TTC7A: variants seen among roughly 807,000 people sequenced by gnomAD.
TTC7A encodes tetratricopeptide repeat protein 7A.
Under a neutral mutation model 103.7 loss-of-function variants are expected in TTC7A, and 110 were observed. The observed-to-expected ratio is 1.06, with a 90% CI of 0.91 to 1.24. The LOEUF (loss-of-function observed/expected upper bound fraction) is 1.24, where lower values mean the gene tolerates loss of function less well. Ranked by LOEUF, TTC7A falls within the 50% of genes most tolerant of loss-of-function variation. TTC7A has a pLI of 0.00. For missense variants in TTC7A, 1,340 were observed against 1,116.3 expected, an observed-to-expected ratio of 1.20 and a Z score of -2.86; for synonymous variants, 521 against 467.9, an observed-to-expected ratio of 1.11 and a Z score of -1.47.
intron 19 of TTC7A, among the ~76,000 whole-genome samples, chr2:47,072,500 C>T (rs1684844043): frequency 6.6e-6 from 1 of 152,258 alleles, no homozygotes; most frequent in Non-Finnish European, 1.5e-5. Flanking sequence ...TGCGCATCTT[C>T]CCCAGCGCGT....
At chr2:46,993,367 C>G (rs1392336072) in intron 5 of TTC7A, 83 bp from the exon 6 acceptor site, 1 of 1,328,496 alleles carries the variant, frequency 7.5e-7, no homozygotes, top group Non-Finnish European at 1.1e-6. Context: ...GTCAGCTCCT[C>G]CTGGGGTCTG....
At chr2:46,969,789 A>G (rs116673605) in intron 3 of TTC7A, among the ~76,000 whole-genome samples, 5 of 152,256 alleles carry the variant, frequency 3.3e-5, no homozygotes, top group Non-Finnish European at 5.9e-5. Flanking sequence ...TCATTCATCT[A>G]TGCATCCGTC....
intron 10 of TTC7A, among the ~76,000 whole-genome samples, chr2:47,009,923 G>C (rs57828497): frequency 0.032 from 4,651 of 144,326 alleles, 331 homozygotes; most frequent in African/African-American, 0.11. Context: ...GGGGACAGGG[G>C]AGGGGGCGCG....
chr2:46,957,109 G>A lies in TTC7A; in HGVS notation c.517+102G>A, dbSNP rs138048872. On this transcript the variant is annotated intron_variant, in intron 3 of 19. Coordinates refer to ENST00000319190, the MANE Select transcript of TTC7A (RefSeq NM_020458.4). ...GCTCGTGTCCAGATTCTTCACCCCTGGTAGTGCCCATGCCCTGGCACTGGT... is the reference window on the plus strand; with the variant it reads ...GCTCGTGTCCAGATTCTTCACCCCTAGTAGTGCCCATGCCCTGGCACTGGT... 8.9e-6 allele frequency: 13 copies of A among 1,460,216 alleles called. No individual in the cohort carries two copies. The African/African-American group carries it at 1.4e-4, about 16-fold the overall frequency. The allele number at this position is 1,460,216 out of a possible 1,614,324, so 90.5% of individuals were successfully genotyped here.
intron 2 of TTC7A, among the ~76,000 whole-genome samples, chr2:46,933,614 T>C (rs968409284): frequency 1.3e-5 from 2 of 152,184 alleles, no homozygotes; most frequent in Non-Finnish European, 2.9e-5. Context: ...GGGCAGGATG[T>C]GCTCTGAGCC....
intron 19 of TTC7A, among the ~76,000 whole-genome samples, chr2:47,068,881 A>G: frequency 1.4e-5 from 1 of 70,678 alleles, no homozygotes; most frequent in Middle Eastern, 0.012. Flanking sequence ...AAAAAAAAAA[A>G]AAAAAAGAAA....
chr2:46,968,459 G>T (rs1673049672), intron 3 of TTC7A, among the ~76,000 whole-genome samples: 2 of 152,144 alleles, frequency 1.3e-5, no homozygotes, highest in Non-Finnish European at 2.9e-5. Flanking sequence ...ACCCAAGCCT[G>T]CAGCACCTGG....
At chr2:47,073,637 C>T (rs752767233) in intron 19 of TTC7A, 65 bp from the exon 20 acceptor site, 79 of 1,436,220 alleles carry the variant, frequency 5.5e-5, no homozygotes, top group Non-Finnish European at 7.1e-5. Flanking sequence ...TGTGCTTGGC[C>T]CAGTTGCCAA....
chr2:47,019,537 A>C (rs951717018), intron 11 of TTC7A, among the ~76,000 whole-genome samples: 8 of 152,128 alleles, frequency 5.3e-5, no homozygotes, highest in African/African-American at 1.2e-4. Flanking sequence ...AAGGAGTGCT[A>C]CTAATCTCGG....
chr2:46,944,664 C>A (rs1670778849), intron 1 of TTC7A, among the ~76,000 whole-genome samples: 1 of 152,116 alleles, frequency 6.6e-6, no homozygotes, highest in African/African-American at 2.4e-5. Flanking sequence ...TCGAGATCAG[C>A]CCAGGCAACA....
chr2:47,043,697 C>A (rs540122559), intron 15 of TTC7A, among the ~76,000 whole-genome samples: 2 of 152,172 alleles, frequency 1.3e-5, no homozygotes, highest in Non-Finnish European at 2.9e-5. Context: ...CTCCCAGGAT[C>A]CTGGAGTGAA....
intron 10 of TTC7A, among the ~76,000 whole-genome samples, chr2:47,011,121 C>T (rs1572899974): frequency 6.6e-6 from 1 of 152,232 alleles, no homozygotes; most frequent in East Asian, 1.9e-4. Flanking sequence ...GCAAGGGTCA[C>T]AGCCTCTAAT....
chr2:47,068,802 T>A (rs1169303329), intron 19 of TTC7A, among the ~76,000 whole-genome samples: 1 of 148,390 alleles, frequency 6.7e-6, no homozygotes, highest in Admixed American at 6.8e-5. Context: ...CTGTCATAGA[T>A]TCAGATCAGA....
intron 5 of TTC7A, among the ~76,000 whole-genome samples, chr2:46,980,216 C>CTTTTTTTTTTTTT: frequency 8.1e-6 from 1 of 124,154 alleles, no homozygotes; most frequent in Admixed American, 8.4e-5. Flanking sequence ...TACTCTCTCT[C>CTTTTTTTTTTTTT]TTTTTTTTTT....
In TTC7A at chr2:46,994,348, C is replaced by T; in HGVS notation, c.844-9C>T. The T allele has an allele frequency of 1.2e-6, 2 of 1,610,378 alleles. No individual in the cohort carries two copies. Among genetic ancestry groups the T allele is most frequent in the Non-Finnish European group, 1.7e-6 (2 of 1,178,004 alleles). On this transcript the variant is annotated splice_polypyrimidine_tract_variant and intron_variant, in intron 6 of 19. Transcript: ENST00000319190. The stretch of plus-strand genomic sequence containing the variant: ...TGTGCCTGGGTCCGAGTGCTTCCCT[C>T]TCTGCCAGATGGCGGCCAAGCACCT...
intron 15 of TTC7A, among the ~76,000 whole-genome samples, chr2:47,036,106 A>G (rs970733693): frequency 6.6e-6 from 1 of 152,224 alleles, no homozygotes; most frequent in Non-Finnish European, 1.5e-5. Context: ...AGTCCTCTCA[A>G]GGTAGCTGGA....
chr2:46,974,624 G>GGAGGAAA (rs1222844041), intron 3 of TTC7A: 1 of 456,972 alleles, frequency 2.2e-6, no homozygotes, highest in Non-Finnish European at 4.4e-6. Flanking sequence ...CTAGGGAAAA[G>GGAGGAAA]GAGGAAAGAG....
chr2:47,048,568 G>T (rs1306935592), intron 16 of TTC7A, among the ~76,000 whole-genome samples: 1 of 152,220 alleles, frequency 6.6e-6, no homozygotes, highest in Non-Finnish European at 1.5e-5. Context: ...GGTGGCCCAT[G>T]ATTCCAGCCT....
chr2:46,985,003 C>G (rs1674865253), intron 5 of TTC7A, among the ~76,000 whole-genome samples: 1 of 152,186 alleles, frequency 6.6e-6, no homozygotes, highest in African/African-American at 2.4e-5. Context: ...AGGATGTCTC[C>G]TTGCAGGTGG....
Sources: gnomAD v4.1 joint callset for allele counts (sites outside exome capture counted in the v4.1 genomes callset) on GRCh38, gnomAD v4.1.1 for gene constraint, MANE v1.5 for transcripts, NCBI Gene and HGNC (gene_info 2026-07-23, HGNC 2026-07-21) for gene names.